The following SLCO1B3 variants were observed in gnomAD, a reference collection of about 807,000 sequenced individuals.
The protein encoded by SLCO1B3 is liver-specific organic anion transporter 2.
In SLCO1B3, 72 loss-of-function variants were observed where a neutral mutation model predicts 71.8. The ratio of observed to expected loss-of-function variants is 1.00; its 90% CI spans 0.83 to 1.22. SLCO1B3 has a LOEUF of 1.22. Among genes scored for constraint, SLCO1B3 ranks in the 50% most tolerant of loss-of-function variants. The pLI is 0.00. For synonymous variants in SLCO1B3, 298 were observed against 278.4 expected (o/e 1.07, Z -0.70); for missense variants, 911 against 819.7 (o/e 1.11, Z -1.36).
intron 3 of SLCO1B3, among the ~76,000 whole-genome samples, chr12:20,845,975 C>T (rs1591758168): frequency 6.8e-6 from 1 of 146,218 alleles, no homozygotes. Context: ...TCTTCCTTGT[C>T]TTTTTTTTTT....
At chr12:20,825,172 G>T (rs897039607) in intron 3 of SLCO1B3, among the ~76,000 whole-genome samples, 1 of 152,050 alleles carries the variant, frequency 6.6e-6, no homozygotes, top group Non-Finnish European at 1.5e-5. Context: ...GTGGGTTAAT[G>T]CTATAAGAAC....
intron 13 of SLCO1B3, 31 bp from the exon 14 acceptor site, chr12:20,898,405 G>A (rs1194498775): frequency 2.8e-6 from 4 of 1,404,328 alleles, no homozygotes; most frequent in East Asian, 2.3e-5. Context: ...TTAATGACAT[G>A]TATTATTTCT....
intron 3 of SLCO1B3, among the ~76,000 whole-genome samples, chr12:20,826,211 T>A (rs1334863078): frequency 7.8e-6 from 1 of 127,772 alleles, no homozygotes; most frequent in African/African-American, 2.9e-5. Context: ...AACATTTTAT[T>A]TAGACCTTTA....
intron 5 of SLCO1B3, 183 bp downstream of exon 5, chr12:20,858,754 C>A: frequency 2.5e-6 from 1 of 394,792 alleles, no homozygotes; most frequent in Non-Finnish European, 4.4e-6. Context: ...TCATGTATTT[C>A]TTTATTTATC....
At chr12:20,828,373 C>T (rs1248738611) in intron 3 of SLCO1B3, among the ~76,000 whole-genome samples, 2 of 151,064 alleles carry the variant, frequency 1.3e-5, no homozygotes, top group African/African-American at 4.9e-5. Flanking sequence ...TCTGATTGCA[C>T]TCTTGGGGTT....
intron 3 of SLCO1B3, among the ~76,000 whole-genome samples, chr12:20,824,952 A>G (rs1442671788): frequency 1.3e-5 from 2 of 152,128 alleles, no homozygotes; most frequent in African/African-American, 4.8e-5. Context: ...TGATAACTCA[A>G]AGTTTTTTTA....
intron 15 of SLCO1B3, among the ~76,000 whole-genome samples, chr12:20,902,672 G>T (rs4762803): frequency 6.6e-5 from 10 of 152,074 alleles, no homozygotes; most frequent in Middle Eastern, 3.4e-3. Flanking sequence ...CATTACACAA[G>T]GTATTGTAAG....
chr12:20,873,158 A>G (rs1020755075), intron 8 of SLCO1B3, among the ~76,000 whole-genome samples: 3 of 152,310 alleles, frequency 2.0e-5, no homozygotes, highest in South Asian at 2.1e-4. Flanking sequence ...GAACTTGGCA[A>G]GTGCCCATGT....
At chr12:20,860,117 G>A (rs547247007) in intron 5 of SLCO1B3, among the ~76,000 whole-genome samples, 4 of 151,918 alleles carry the variant, frequency 2.6e-5, no homozygotes, top group East Asian at 3.9e-4. Flanking sequence ...CACCACGCCC[G>A]GCTAATTTTT....
At chr12:20,850,442 G>C (rs1358696663) in intron 3 of SLCO1B3, among the ~76,000 whole-genome samples, 4 of 151,776 alleles carry the variant, frequency 2.6e-5, no homozygotes, top group East Asian at 3.9e-4. Context: ...ACCACTCCCG[G>C]CTAATTTTTT....
chr12:20,898,860 A>G (rs1010479386), intron 14 of SLCO1B3, among the ~76,000 whole-genome samples: 1 of 152,146 alleles, frequency 6.6e-6, no homozygotes, highest in Non-Finnish European at 1.5e-5. Context: ...CCAAATGGAG[A>G]CATTACTTAG....
intron 3 of SLCO1B3, among the ~76,000 whole-genome samples, chr12:20,849,612 T>C (rs1425598579): frequency 6.6e-6 from 1 of 151,924 alleles, no homozygotes; most frequent in Non-Finnish European, 1.5e-5. Flanking sequence ...AAAACTGTCT[T>C]TATTTACAGA....
intron 15 of SLCO1B3, among the ~76,000 whole-genome samples, chr12:20,909,002 C>A (rs1291640670): frequency 2.6e-5 from 4 of 152,008 alleles, no homozygotes; most frequent in Non-Finnish European, 5.9e-5. Context: ...GCATTTTGAC[C>A]AACAATGAAT....
At chr12:20,827,821 G>T (rs1296809239) in intron 3 of SLCO1B3, among the ~76,000 whole-genome samples, 4 of 152,076 alleles carry the variant, frequency 2.6e-5, no homozygotes, top group Non-Finnish European at 2.9e-5. Context: ...GCCCGCCTTG[G>T]CCTTCCAAAG....
At chr12:20,885,416 C>A (rs115691895) in intron 13 of SLCO1B3, among the ~76,000 whole-genome samples, 1 of 152,004 alleles carries the variant, frequency 6.6e-6, no homozygotes, top group African/African-American at 2.4e-5. Context: ...CATTAGCATC[C>A]AGTGGGGATA....
At position 20,916,351 on chromosome 12, in the gene SLCO1B3, A is replaced by T. The variant is rs959049095; in HGVS notation, c.*104A>T. 1 of 1,088,526 alleles carries T rather than the reference A, an allele frequency of 9.2e-7. No homozygotes were observed. Among genetic ancestry groups the T allele is most frequent in the African/African-American group, 1.6e-5 (1 of 63,358 alleles). The allele number at this position is 1,088,526 out of a possible 1,614,324, so 67.4% of individuals were successfully genotyped here. A position where few individuals can be genotyped will look rare whatever the true frequency, so the allele number is the denominator to read the frequency against. On this transcript the variant is annotated 3_prime_UTR_variant, in exon 16 of 16. Coordinates refer to ENST00000381545, the MANE Select transcript of SLCO1B3 (RefSeq NM_019844.4). ...AGTGGACCAATGGATAAGTCTATGC[A>T]TCTATAATAAACTATAAAAAATGGG...
At chr12:20,812,260 C>T (rs1239563034) in intron 1 of SLCO1B3, among the ~76,000 whole-genome samples, 1 of 151,948 alleles carries the variant, frequency 6.6e-6, no homozygotes, top group Non-Finnish European at 1.5e-5. Flanking sequence ...GCCCACATTT[C>T]TTATTTTTCT....
At position 20,896,582 on chromosome 12, in the gene SLCO1B3, A is replaced by G. The variant is rs574759331; in HGVS notation, c.1683-1854A>G. On this transcript the variant is annotated intron_variant, in intron 13 of 15. Transcript: ENST00000381545. Reference sequence around the variant, plus strand: ...CCTGGACCTTATTGTCCATATCACTATCAGGCTTTTAGCCAAAGCTATTCA... The same window carrying G: ...CCTGGACCTTATTGTCCATATCACTGTCAGGCTTTTAGCCAAAGCTATTCA... 2.0e-5 allele frequency among the ~76,000 whole-genome samples: 3 copies of G among 152,258 alleles called. No individual in the cohort carries two copies. In the South Asian group the frequency reaches 6.2e-4, roughly 32 times the overall value.
chr12:20,916,457 A>G lies in SLCO1B3; in HGVS notation c.*210A>G. The G allele has an allele frequency of 9.2e-6, 4 of 435,494 alleles. No homozygotes were observed. In the South Asian group the frequency reaches 1.2e-4, roughly 13 times the overall value. 27.0% of individuals were successfully genotyped at this position (435,494 alleles called of 1,614,324 possible). ...TCCATAAAAATTTAAAGTGAGAGGC[A>G]TGGTTAGTGTGTGATACAATAAAAA... On this transcript the variant is annotated 3_prime_UTR_variant, in exon 16 of 16. Transcript: ENST00000381545.
Sources: allele counts gnomAD v4.1 joint callset (sites outside exome capture counted in the v4.1 genomes callset), GRCh38; gene constraint gnomAD v4.1.1; transcripts MANE v1.5; gene names NCBI Gene and HGNC (gene_info 2026-07-23, HGNC 2026-07-21).